SCEL: variants seen among roughly 807,000 people sequenced by gnomAD.
SCEL encodes the protein sciellin.
SCEL carries 113 observed loss-of-function variants against 117.6 expected under a neutral mutation model. The ratio of observed to expected loss-of-function variants is 0.96; its 90% CI spans 0.83 to 1.12. SCEL has a LOEUF of 1.12. Ranked by LOEUF, SCEL falls within the 50% of genes most tolerant of loss-of-function variation. SCEL has a pLI of 0.00. For synonymous variants in SCEL, 270 were observed against 256.2 expected (o/e 1.05, Z -0.51); for missense variants, 785 against 810.8 (o/e 0.97, Z 0.39).
At chr13:77,537,561 T>C (rs1052582046) in intron 1 of SCEL, among the ~76,000 whole-genome samples, 13 of 152,184 alleles carry the variant, frequency 8.5e-5, no homozygotes, top group African/African-American at 2.9e-4. Flanking sequence ...TGTTGCCGTT[T>C]ATTATATTTA....
intron 22 of SCEL, 32 bp downstream of exon 22, chr13:77,610,138 C>A (rs1045811264): frequency 1.3e-6 from 2 of 1,516,580 alleles, no homozygotes; most frequent in Non-Finnish European, 1.8e-6. Flanking sequence ...ATTTCTCCCC[C>A]CTTTTTTTTT....
intron 2 of SCEL, among the ~76,000 whole-genome samples, chr13:77,556,264 A>T (rs932517746): frequency 6.6e-6 from 1 of 152,102 alleles, no homozygotes; most frequent in East Asian, 1.9e-4. Context: ...CTTCCAGGGT[A>T]TATTTCTTAT....
At chr13:77,610,161 A>C in intron 22 of SCEL, 55 bp downstream of exon 22, 1 of 1,299,082 alleles carries the variant, frequency 7.7e-7, no homozygotes, top group South Asian at 1.4e-5. Flanking sequence ...TAATGAGCTT[A>C]AAAACATGAC....
chr13:77,538,880 G>C (rs921172953), intron 1 of SCEL, among the ~76,000 whole-genome samples: 1 of 152,152 alleles, frequency 6.6e-6, no homozygotes, highest in Non-Finnish European at 1.5e-5. Context: ...TCCAAACTGA[G>C]ATATATACAT....
Position 77,624,039 on chromosome 13 carries a change from G to C in SCEL, c.1629-3908G>C, listed in dbSNP as rs139340146. ...CTTCCACGGAGTTGGTTCCTTCTGA[G>C]GCCAAAAGAGAAGTATCTGTGCCAG... On this transcript the variant is annotated intron_variant, in intron 27 of 32. Coordinates refer to ENST00000349847, the MANE Select transcript of SCEL (RefSeq NM_144777.3). 5.5e-3 allele frequency among the ~76,000 whole-genome samples: 842 copies of C among 152,058 alleles called. 8 individuals carry two copies. The highest frequency in any genetic ancestry group is 0.018 in the African/African-American group (731 of 41,474).
chr13:77,589,733 T>A (rs2086765118), intron 10 of SCEL, among the ~76,000 whole-genome samples: 1 of 152,176 alleles, frequency 6.6e-6, no homozygotes, highest in Admixed American at 6.6e-5. Context: ...AATCTTTTTT[T>A]ACTGAAGGGA....
intron 27 of SCEL, 85 bp downstream of exon 27, chr13:77,618,145 C>T (rs1020026639): frequency 1.0e-6 from 1 of 977,700 alleles, no homozygotes; most frequent in African/African-American, 1.6e-5. Context: ...TGCCTCCCTC[C>T]CTTCCTCCCT....
At chr13:77,637,032 G>T in intron 29 of SCEL, 88 bp from the exon 30 acceptor site, 1 of 582,786 alleles carries the variant, frequency 1.7e-6, no homozygotes. Flanking sequence ...AAAATATTAT[G>T]AGGCTTCATG....
intron 4 of SCEL, among the ~76,000 whole-genome samples, chr13:77,562,009 A>G (rs1395630699): frequency 3.3e-5 from 5 of 152,200 alleles, no homozygotes; most frequent in East Asian, 1.9e-4. Flanking sequence ...ATTATCCACA[A>G]TTGGAAAGTT....
chr13:77,611,630 C>T (rs1171787857), intron 22 of SCEL, among the ~76,000 whole-genome samples: 1 of 152,176 alleles, frequency 6.6e-6, no homozygotes, highest in Non-Finnish European at 1.5e-5. Flanking sequence ...TAGCCACATG[C>T]TGCCATGTAT....
At position 77,559,784 on chromosome 13, in the gene SCEL, CT is replaced by C; in HGVS notation, c.162-16del. ...TTGTGGTAACTTTCTATGTGACATA[CT>C]TTTGTTCTTTCTTTGCAGAGATGAA... On this transcript the variant is annotated intron_variant, in intron 3 of 32. Coordinates refer to ENST00000349847, the MANE Select transcript of SCEL (RefSeq NM_144777.3). 1 of 1,610,262 alleles carries C rather than the reference CT, an allele frequency of 6.2e-7. No homozygotes were observed. Among genetic ancestry groups the C allele is most frequent in the Non-Finnish European group, 8.5e-7 (1 of 1,176,952 alleles).
intron 19 of SCEL, chr13:77,606,500 A>T (rs1443327816): frequency 6.6e-6 from 1 of 152,204 alleles, no homozygotes; most frequent in Non-Finnish European, 1.5e-5. Context: ...TTTTGAATAC[A>T]CAAGTCTGGA....
intron 8 of SCEL, among the ~76,000 whole-genome samples, chr13:77,571,022 G>A (rs2085574511): frequency 6.6e-6 from 1 of 151,320 alleles, no homozygotes; most frequent in Non-Finnish European, 1.5e-5. Flanking sequence ...AGTAGAGATG[G>A]GGTTTCACCA....
intron 14 of SCEL, 92 bp downstream of exon 14, chr13:77,599,480 T>C: frequency 8.9e-7 from 1 of 1,125,392 alleles, no homozygotes; most frequent in Admixed American, 1.9e-5. Flanking sequence ...TTGTATCCTC[T>C]GGCATGGAAA....
chr13:77,598,716 T>C (rs2087423509), intron 13 of SCEL, among the ~76,000 whole-genome samples: 3 of 152,198 alleles, frequency 2.0e-5, no homozygotes, highest in Admixed American at 2.0e-4. Context: ...AGGGTCTCGC[T>C]CTGTCGCCCA....
At chr13:77,543,446 G>T (rs1025863577) in intron 1 of SCEL, among the ~76,000 whole-genome samples, 5 of 152,060 alleles carry the variant, frequency 3.3e-5, no homozygotes, top group Non-Finnish European at 5.9e-5. Context: ...ATTGACATTT[G>T]GTCTTTTATA....
intron 8 of SCEL, among the ~76,000 whole-genome samples, chr13:77,571,414 C>T (rs1453716506): frequency 2.7e-5 from 4 of 149,118 alleles, no homozygotes; most frequent in African/African-American, 4.9e-5. Flanking sequence ...TGAAGCTGGG[C>T]GCAGTGGCTC....
chr13:77,630,583 T>C, intron 28 of SCEL, among the ~76,000 whole-genome samples: 1 of 152,232 alleles, frequency 6.6e-6, no homozygotes, highest in East Asian at 1.9e-4. Context: ...AGAGTAATTC[T>C]ATGTTTAACC....
intron 15 of SCEL, 101 bp downstream of exon 15, chr13:77,599,849 G>A: frequency 1.2e-6 from 1 of 831,982 alleles, no homozygotes. Context: ...GCAGGCTGGT[G>A]GAATAAGCCT....
Sources: allele counts gnomAD v4.1 joint callset (sites outside exome capture counted in the v4.1 genomes callset), GRCh38; gene constraint gnomAD v4.1.1; transcripts MANE v1.5; gene names NCBI Gene and HGNC (gene_info 2026-07-23, HGNC 2026-07-21).